The following ARHGAP10 variants were observed in gnomAD, a reference collection of about 807,000 sequenced individuals.
ARHGAP10 encodes rho GTPase-activating protein 10.
A neutral mutation model predicts 108.6 loss-of-function variants in ARHGAP10; 87 were observed. That is an observed-to-expected ratio of 0.80 (90% CI 0.67 to 0.96). The LOEUF is 0.96. Among genes scored for constraint, ARHGAP10 ranks in the 40% least tolerant of loss-of-function variants. ARHGAP10 has a pLI of 0.00. For missense variants in ARHGAP10, 939 were observed against 954.5 expected (o/e 0.98, Z 0.21); for synonymous variants, 347 against 341.1 (o/e 1.02, Z -0.19).
rs1393651933 is a variant in ARHGAP10, at chr4:147,746,189, T to C, written c.154+13734T>C. Among the ~76,000 whole-genome samples, 6 of 149,970 alleles carry C rather than the reference T, an allele frequency of 4.0e-5. 1 individual carries two copies. The highest frequency in any genetic ancestry group is 7.4e-5 in the African/African-American group (3 of 40,770). On this transcript the variant is annotated intron_variant, in intron 1 of 22. Transcript: ENST00000336498. ...CGTGATCTTGGCTCACTGCATCCTC[T>C]GCCTCCGGGGTTAAAGCGATTCTTC...
chr4:147,944,578 G>C (rs1187296644), intron 14 of ARHGAP10, among the ~76,000 whole-genome samples: 3 of 152,124 alleles, frequency 2.0e-5, no homozygotes, highest in Admixed American at 6.5e-5. Flanking sequence ...TTAATGTGGT[G>C]GTACCATTTT....
intron 12 of ARHGAP10, among the ~76,000 whole-genome samples, chr4:147,910,515 A>G (rs1314801434): frequency 6.6e-6 from 1 of 152,128 alleles, no homozygotes; most frequent in Admixed American, 6.6e-5. Flanking sequence ...GATATGCTTT[A>G]TCTTTGTAGT....
chr4:147,875,485 A>G (rs1463438410), intron 8 of ARHGAP10, among the ~76,000 whole-genome samples: 1 of 152,120 alleles, frequency 6.6e-6, no homozygotes, highest in Non-Finnish European at 1.5e-5. Flanking sequence ...TTACGAGGGT[A>G]TGATGTTTTT....
rs747487843 is a variant in ARHGAP10, at chr4:148,046,974, T to C, written c.1950T>C (p.Ala650=). 3.1e-6 allele frequency: 5 copies of C among 1,614,202 alleles called. No homozygotes were observed. In the Admixed American group the frequency reaches 6.7e-5, roughly 22 times the overall value. Residue 650 remains alanine, a synonymous_variant, in exon 20 of 23, where the codon GCT becomes GCC. Coordinates refer to ENST00000336498, the MANE Select transcript of ARHGAP10 (RefSeq NM_024605.4). ...SLSSPSPVTT[A]VPGPPGPDKN... ...CCTCCCCGTCTCCCGTGACTACAGC[T>C]GTCCCTGGGCCTCCTGGACCAGACA...
chr4:148,004,765 C>T (rs1280988461), intron 18 of ARHGAP10, among the ~76,000 whole-genome samples: 1 of 152,192 alleles, frequency 6.6e-6, no homozygotes, highest in African/African-American at 2.4e-5. Context: ...TACAGCTTGG[C>T]TGACACCTTG....
intron 13 of ARHGAP10, among the ~76,000 whole-genome samples, chr4:147,938,088 A>G (rs1307060070): frequency 3.3e-5 from 5 of 152,208 alleles, no homozygotes; most frequent in Middle Eastern, 3.2e-3. Context: ...GGAGGCCATT[A>G]TCCTTAGCAA....
rs144031731 is a variant in ARHGAP10 at position 147,958,358 on chromosome 4, G to C, written c.1450+2984G>C. On this transcript the variant is annotated intron_variant, in intron 16 of 22. Coordinates refer to ENST00000336498, the MANE Select transcript of ARHGAP10 (RefSeq NM_024605.4). Reference sequence around the variant, plus strand: ...CACTGTCAGTTAAACCAAAACACTTGTGTTGCTATGTTCAGTGTATTTCTT... The same window carrying C: ...CACTGTCAGTTAAACCAAAACACTTCTGTTGCTATGTTCAGTGTATTTCTT... 2.0e-4 allele frequency among the ~76,000 whole-genome samples: 31 copies of C among 152,022 alleles called. No homozygotes were observed. The East Asian group carries it at 5.6e-3, about 27-fold the overall frequency.
intron 4 of ARHGAP10, among the ~76,000 whole-genome samples, chr4:147,854,191 A>G (rs562319508): frequency 2.0e-5 from 3 of 152,318 alleles, no homozygotes; most frequent in South Asian, 2.1e-4. Context: ...GACTTCTACC[A>G]TATTCAACTT....
chr4:148,043,096 A>G (rs140527096), intron 19 of ARHGAP10, among the ~76,000 whole-genome samples: 4 of 152,304 alleles, frequency 2.6e-5, no homozygotes, highest in East Asian at 1.9e-4. Context: ...ACCAGGTTAT[A>G]AAACCAGTAT....
chr4:147,733,929 A>G (rs1404808823), intron 1 of ARHGAP10, among the ~76,000 whole-genome samples: 1 of 151,894 alleles, frequency 6.6e-6, no homozygotes, highest in East Asian at 1.9e-4. Flanking sequence ...GGACTCTGGG[A>G]CATGTGACAA....
chr4:148,008,830 C>A (rs147519262), intron 18 of ARHGAP10, among the ~76,000 whole-genome samples: 40 of 151,918 alleles, frequency 2.6e-4, no homozygotes, highest in African/African-American at 9.2e-4. Flanking sequence ...TTTCCAGAGG[C>A]GATGATATTA....
At chr4:147,885,624 C>T (rs991104122) in intron 10 of ARHGAP10, among the ~76,000 whole-genome samples, 23 of 152,274 alleles carry the variant, frequency 1.5e-4, no homozygotes, top group East Asian at 7.7e-4. Context: ...CAGAGCTTGG[C>T]GGCTATGGCA....
chr4:147,879,082 C>T lies in ARHGAP10; in HGVS notation c.833-150C>T, dbSNP rs1735216452. On this transcript the variant is annotated intron_variant, in intron 8 of 22. Coordinates refer to ENST00000336498, the MANE Select transcript of ARHGAP10 (RefSeq NM_024605.4). ...ACCGTGCCCGGCCTCCCCTCTTCTT[C>T]TTAGAACTAGCAGTATTGCTGATTT... 7.2e-6 allele frequency: 4 copies of T among 555,880 alleles called. No individual in the cohort carries two copies. In the East Asian group the frequency reaches 9.9e-5, roughly 14 times the overall value. 34.4% of individuals were successfully genotyped at this position (555,880 alleles called of 1,614,324 possible).
At chr4:147,982,026 T>C (rs142673668) in intron 18 of ARHGAP10, among the ~76,000 whole-genome samples, 1 of 152,306 alleles carries the variant, frequency 6.6e-6, no homozygotes, top group East Asian at 1.9e-4. Flanking sequence ...TTTGCCACCC[T>C]ATGTCTTTTA....
chr4:147,936,514 A>G (rs1218769378), intron 13 of ARHGAP10, among the ~76,000 whole-genome samples: 1 of 150,696 alleles, frequency 6.6e-6, no homozygotes, highest in Non-Finnish European at 1.5e-5. Context: ...TATTTTTAGT[A>G]GAGACGGGGT....
chr4:147,789,566 C>G (rs746225889), intron 1 of ARHGAP10, among the ~76,000 whole-genome samples: 2 of 152,204 alleles, frequency 1.3e-5, no homozygotes, highest in Non-Finnish European at 2.9e-5. Flanking sequence ...GCCACCATGC[C>G]CGGCCCACAT....
intron 18 of ARHGAP10, among the ~76,000 whole-genome samples, chr4:148,011,235 G>C (rs1408869459): frequency 6.6e-6 from 1 of 152,172 alleles, no homozygotes; most frequent in Non-Finnish European, 1.5e-5. Flanking sequence ...CCAAAATTTA[G>C]TGTTTTGAAA....
chr4:148,002,636 T>A (rs1432066571), intron 18 of ARHGAP10, among the ~76,000 whole-genome samples: 1 of 152,154 alleles, frequency 6.6e-6, no homozygotes, highest in African/African-American at 2.4e-5. Flanking sequence ...CCTGGTTTAG[T>A]CTTGGGAGGG....
intron 1 of ARHGAP10, among the ~76,000 whole-genome samples, chr4:147,734,013 GC>G (rs11325607): frequency 1 from 151,880 of 152,064 alleles, 75,848 homozygotes; most frequent in Non-Finnish European, 1. Flanking sequence ...GTAGGGGGGC[GC>G]CTATACATAT....
Sources: gnomAD v4.1 joint callset for allele counts (sites outside exome capture counted in the v4.1 genomes callset) on GRCh38, gnomAD v4.1.1 for gene constraint, MANE v1.5 for transcripts, NCBI Gene and HGNC (gene_info 2026-07-23, HGNC 2026-07-21) for gene names.